Variants in THAP6 observed in about 807,000 individuals in gnomAD.
The protein encoded by THAP6 is THAP domain containing 6, also known as THAP domain-containing protein 6.
A neutral mutation model predicts 20.0 loss-of-function variants in THAP6; 13 were observed. The observed-to-expected ratio is 0.65, with a 90% CI of 0.42 to 1.03. The LOEUF (loss-of-function observed/expected upper bound fraction) is 1.03. Among genes scored for constraint, THAP6 ranks in the 50% least tolerant of loss-of-function variants. THAP6 has a pLI of 0.00. For missense variants in THAP6, 262 were observed against 261.6 expected, an observed-to-expected ratio of 1.00 and a Z score of -0.01; for synonymous variants, 93 against 92.2, an observed-to-expected ratio of 1.01 and a Z score of -0.05.
Position 75,529,737 on chromosome 4 carries a change from T to A in THAP6, c.*2523T>A, listed in dbSNP as rs767511651. The A allele has an allele frequency of 1.4e-5, 14 of 985,280 alleles. No individual in the cohort carries two copies. The highest frequency in any genetic ancestry group is 1.7e-5 in the Non-Finnish European group (14 of 829,910). 61.0% of individuals were successfully genotyped at this position (985,280 alleles called of 1,614,324 possible). A position where few individuals can be genotyped will look rare whatever the true frequency, so the allele number is the denominator to read the frequency against. On this transcript the variant is annotated 3_prime_UTR_variant, in exon 5 of 5. Coordinates refer to ENST00000311638, the MANE Select transcript of THAP6 (RefSeq NM_144721.6). ...TCCACTTTGCTTTAAAAGCTAGGAG[T>A]GGCCTCTAGAGCCAGGAACACATTA...
Position 75,527,201 on chromosome 4 carries a change from A to G in THAP6, c.656A>G (p.Asp219Gly). Reference sequence around the variant, plus strand: ...TGTTGTCAGGAGAGCATAGAACAGGACTATATTTCATGAAATAATTTCATG... The same window carrying G: ...TGTTGTCAGGAGAGCATAGAACAGGGCTATATTTCATGAAATAATTTCATG... ...WDCCQESIEQ[D>G]YIS The change falls in exon 5 of 5, where the codon GAC becomes GGC. Residue 219 changes from aspartate (D) to glycine (G), a missense_variant. Asp to Gly is a moderately conservative substitution (Grantham distance 94, BLOSUM62 -1). Coordinates refer to ENST00000311638, the MANE Select transcript of THAP6 (RefSeq NM_144721.6). 1 of 1,600,666 alleles carries G rather than the reference A, an allele frequency of 6.2e-7. No homozygotes were observed. The highest frequency in any genetic ancestry group is 8.5e-7 in the Non-Finnish European group (1 of 1,171,178).
chr4:75,541,363 A>G (rs1364191928), intron 2 of THAP6, among the ~76,000 whole-genome samples: 1 of 152,232 alleles, frequency 6.6e-6, no homozygotes, highest in African/African-American at 2.4e-5. Context: ...ATGGATAAAA[A>G]CAATATAAAG....
At chr4:75,537,489 T>C (rs1726894013) in intron 2 of THAP6, among the ~76,000 whole-genome samples, 1 of 152,098 alleles carries the variant, frequency 6.6e-6, no homozygotes. Context: ...TCTCTTTGCC[T>C]GCCACCATCC....
At chr4:75,541,790 T>C (rs1419266853) in intron 2 of THAP6, among the ~76,000 whole-genome samples, 1 of 152,088 alleles carries the variant, frequency 6.6e-6, no homozygotes, top group Non-Finnish European at 1.5e-5. Context: ...ACCTCGTCTC[T>C]ACTAAAAATA....
At chr4:75,515,929 A>G (rs1459748218) in intron 2 of THAP6, among the ~76,000 whole-genome samples, 1 of 152,254 alleles carries the variant, frequency 6.6e-6, no homozygotes, top group Non-Finnish European at 1.5e-5. Context: ...AAAAAATACA[A>G]ATTACAAGTT....
chr4:75,526,498 C>T (rs940429979), intron 4 of THAP6, among the ~76,000 whole-genome samples: 2 of 152,076 alleles, frequency 1.3e-5, no homozygotes, highest in Admixed American at 1.3e-4. Context: ...ATTCCAAGAC[C>T]AGAGTCCTCT....
chr4:75,540,616 A>G (rs1220867261), intron 2 of THAP6, among the ~76,000 whole-genome samples: 1 of 152,202 alleles, frequency 6.6e-6, no homozygotes, highest in Admixed American at 6.5e-5. Flanking sequence ...AAAACAGAAG[A>G]GTTTTATTAA....
chr4:75,540,147 A>G (rs1360867146), intron 2 of THAP6, among the ~76,000 whole-genome samples: 1 of 152,232 alleles, frequency 6.6e-6, no homozygotes, highest in Non-Finnish European at 1.5e-5. Flanking sequence ...ATTCAACTTT[A>G]TAAAACATCT....
intron 4 of THAP6, chr4:75,522,407 A>C (rs1726087915): frequency 6.6e-6 from 1 of 152,434 alleles, no homozygotes; most frequent in Non-Finnish European, 1.5e-5. Context: ...TAAATAGGGT[A>C]TCCATCACAT....
intron 3 of THAP6, among the ~76,000 whole-genome samples, chr4:75,546,971 C>G (rs1237570656): frequency 1.3e-5 from 2 of 152,166 alleles, no homozygotes; most frequent in Non-Finnish European, 2.9e-5. Context: ...TTAATCATTG[C>G]AGGGTGTGAG....
At chr4:75,521,970 A>T (rs534023405) in intron 4 of THAP6, 109 bp downstream of exon 4, 250 of 1,282,446 alleles carry the variant, frequency 1.9e-4, no homozygotes, top group Non-Finnish European at 2.6e-4. Flanking sequence ...GTTAATATGT[A>T]ATATCTACAA....
At chr4:75,534,859 T>G (rs1021856374), downstream of THAP6, among the ~76,000 whole-genome samples, 4 of 152,150 alleles carry the variant, frequency 2.6e-5, no homozygotes, top group Non-Finnish European at 5.9e-5. Context: ...ACCACAATGA[T>G]ATACCATCTC....
At chr4:75,540,739 T>C (rs763256226) in intron 2 of THAP6, among the ~76,000 whole-genome samples, 1 of 152,158 alleles carries the variant, frequency 6.6e-6, no homozygotes, top group Non-Finnish European at 1.5e-5. Context: ...GTACTCAACA[T>C]AAAATTTCAA....
At chr4:75,542,197 T>C (rs1272073695) in intron 2 of THAP6, among the ~76,000 whole-genome samples, 1 of 152,178 alleles carries the variant, frequency 6.6e-6, no homozygotes, top group African/African-American at 2.4e-5. Flanking sequence ...TTTAATTAGC[T>C]TGCCTGTGAC....
chr4:75,517,490 A>G (rs1007798136), intron 3 of THAP6: 8 of 152,766 alleles, frequency 5.2e-5, no homozygotes, highest in African/African-American at 1.7e-4. Flanking sequence ...AAATATTTGT[A>G]TATTACTAAG....
At chr4:75,536,550 A>C (rs1179735895) in intron 2 of THAP6, among the ~76,000 whole-genome samples, 1 of 152,030 alleles carries the variant, frequency 6.6e-6, no homozygotes, top group African/African-American at 2.4e-5. Flanking sequence ...TTATTGAAAC[A>C]GGGTCTCACT....
intron 3 of THAP6, among the ~76,000 whole-genome samples, chr4:75,520,892 G>C (rs1406196149): frequency 1.3e-5 from 2 of 152,112 alleles, no homozygotes; most frequent in Admixed American, 1.3e-4. Context: ...ATGAACACTC[G>C]TGCGTGTCTA....
chr4:75,519,572 C>A (rs989530892), intron 3 of THAP6, among the ~76,000 whole-genome samples: 8 of 149,390 alleles, frequency 5.4e-5, no homozygotes, highest in African/African-American at 2.0e-4. Context: ...AGTGAGAATA[C>A]GCGGTGTTTG....
At chr4:75,531,433 T>G (rs1481055741), downstream of THAP6, among the ~76,000 whole-genome samples, 1 of 152,252 alleles carries the variant, frequency 6.6e-6, no homozygotes, top group African/African-American at 2.4e-5. Flanking sequence ...TTGTGCTTCT[T>G]CTTTGTATCC....
Sources: allele counts gnomAD v4.1 joint callset (sites outside exome capture counted in the v4.1 genomes callset), GRCh38; gene constraint gnomAD v4.1.1; transcripts MANE v1.5; gene names NCBI Gene and HGNC (gene_info 2026-07-23, HGNC 2026-07-21).